The following COL27A1 variants were observed in gnomAD, a reference collection of about 807,000 sequenced individuals.
The protein encoded by COL27A1 is collagen type XXVII alpha 1 chain, also known as collagen alpha-1(XXVII) chain.
In COL27A1, 106 loss-of-function variants were observed where a neutral mutation model predicts 251.3. The ratio of observed to expected loss-of-function variants is 0.42; its 90% CI spans 0.36 to 0.50. The LOEUF (loss-of-function observed/expected upper bound fraction) is 0.50. COL27A1 is among the 20% of genes least tolerant of loss of function. COL27A1 has a pLI of 0.00. For synonymous variants in COL27A1, 1,000 were observed against 986.3 expected, an observed-to-expected ratio of 1.01 and a Z score of -0.26; for missense variants, 2,325 against 2,522.8, an observed-to-expected ratio of 0.92 and a Z score of 1.68.
chr9:114,198,174 C>T (rs1677075306), intron 7 of COL27A1, among the ~76,000 whole-genome samples: 1 of 152,226 alleles, frequency 6.6e-6, no homozygotes, highest in South Asian at 2.1e-4. Context: ...TGAGGCAACA[C>T]AGATAATCCT....
At chr9:114,214,881 G>C (rs1489405683) in intron 12 of COL27A1, among the ~76,000 whole-genome samples, 1 of 152,238 alleles carries the variant, frequency 6.6e-6, no homozygotes, top group East Asian at 1.9e-4. Context: ...TGGCTTGTTG[G>C]GCATGGCTCA....
At chr9:114,299,985 A>G in intron 49 of COL27A1, 85 bp from the exon 50 acceptor site, 1 of 1,315,836 alleles carries the variant, frequency 7.6e-7, no homozygotes, top group Non-Finnish European at 1.1e-6. Flanking sequence ...TGGGAGGGAA[A>G]AGGCAGGCCC....
intron 3 of COL27A1, among the ~76,000 whole-genome samples, chr9:114,177,575 C>T (rs758877997): frequency 1.3e-5 from 2 of 152,072 alleles, no homozygotes; most frequent in African/African-American, 2.4e-5. Flanking sequence ...TACCAGGCAC[C>T]GTGTTAACAT....
chr9:114,209,329 A>G (rs886383371), intron 10 of COL27A1: 4 of 531,124 alleles, frequency 7.5e-6, no homozygotes, highest in African/African-American at 7.5e-5. Context: ...GGGGGTGGGC[A>G]GGGCTTGGTG....
chr9:114,194,169 T>C (rs1032138803), intron 5 of COL27A1, among the ~76,000 whole-genome samples: 1 of 151,962 alleles, frequency 6.6e-6, no homozygotes, highest in Non-Finnish European at 1.5e-5. Flanking sequence ...TACAGAAGAC[T>C]TGGGATAGCA....
chr9:114,295,254 A>C (rs1365548955), intron 49 of COL27A1, among the ~76,000 whole-genome samples: 1 of 152,268 alleles, frequency 6.6e-6, no homozygotes, highest in East Asian at 1.9e-4. Context: ...ACATATGTAC[A>C]CTGAGAACTA....
chr9:114,302,729 A>C (rs753378257), intron 56 of COL27A1, among the ~76,000 whole-genome samples: 246 of 34,096 alleles, frequency 7.2e-3, no homozygotes, highest in African/African-American at 0.012. Flanking sequence ...AAAAAAACAA[A>C]AAAAAAAAAA....
chr9:114,309,952 A>G (rs1829331563), intron 60 of COL27A1, among the ~76,000 whole-genome samples: 1 of 152,226 alleles, frequency 6.6e-6, no homozygotes, highest in African/African-American at 2.4e-5. Flanking sequence ...ATGTGGGGAA[A>G]CCAACAATCT....
rs1831983310 is a variant in COL27A1, at chr9:114,231,873, T to C, written c.2565+7T>C. 1 of 1,613,928 alleles carries C rather than the reference T, an allele frequency of 6.2e-7. No homozygotes were observed. Among genetic ancestry groups the C allele is most frequent in the Middle Eastern group, 1.6e-4 (1 of 6,062 alleles). On this transcript the variant is annotated splice_region_variant and intron_variant, in intron 16 of 60. Coordinates refer to ENST00000356083, the MANE Select transcript of COL27A1 (RefSeq NM_032888.4). ...CGGACTGAAAGGTGATAAGGTGATC[T>C]GAATACTCCCTTATTGCACTGTGGT...
chr9:114,302,726 C>CAAAAAAAAAAA, intron 56 of COL27A1, among the ~76,000 whole-genome samples: 1 of 139,200 alleles, frequency 7.2e-6, no homozygotes, highest in Non-Finnish European at 1.6e-5. Context: ...ACAAAAAAAA[C>CAAAAAAAAAAA]AAAAAAAAAA....
intron 10 of COL27A1, among the ~76,000 whole-genome samples, chr9:114,208,636 T>C (rs968707691): frequency 6.6e-6 from 1 of 151,876 alleles, no homozygotes; most frequent in Non-Finnish European, 1.5e-5. Flanking sequence ...ACGCAGATAG[T>C]GGTAGAAGCC....
intron 27 of COL27A1, among the ~76,000 whole-genome samples, chr9:114,253,464 GAAAGAAAGGAAAAGA>G (rs1434810699): frequency 1.3e-5 from 2 of 151,198 alleles, no homozygotes; most frequent in Admixed American, 1.3e-4. Context: ...AGGAAGAAAG[GAAAGAAAGGAAAAGA>G]AAAGAAAGGA....
intron 19 of COL27A1, 41 bp downstream of exon 19, chr9:114,237,756 G>T (rs368564518): frequency 1.2e-4 from 186 of 1,569,800 alleles, no homozygotes; most frequent in Non-Finnish European, 1.5e-4. Flanking sequence ...CTGCTGCTGG[G>T]ACTCGGTCTT....
chr9:114,201,538 C>T (rs911245645), intron 7 of COL27A1, among the ~76,000 whole-genome samples: 1 of 152,220 alleles, frequency 6.6e-6, no homozygotes, highest in African/African-American at 2.4e-5. Context: ...CAAGGCCCTT[C>T]AGGGTCCCTT....
Position 114,302,105 on chromosome 9 carries a change from A to T in COL27A1, c.4869A>T (p.Gln1623His). 2 of 1,612,542 alleles carry T rather than the reference A, an allele frequency of 1.2e-6. No individual in the cohort carries two copies. The highest frequency in any genetic ancestry group is 8.5e-7 in the Non-Finnish European group (1 of 1,178,670). ...AGGGTCCTCCAGGGGGTCCTATCCAATTGGTAAGTTGGAAACCTTCTCTTT... is the reference window on the plus strand; with the variant it reads ...AGGGTCCTCCAGGGGGTCCTATCCATTTGGTAAGTTGGAAACCTTCTCTTT... ...GPPGPPGGPI[Q>H]LQQDDLGAAF... The change falls in exon 56 of 61, where the codon CAA becomes CAT. Residue 1623 changes from glutamine to histidine, a missense_variant. Physicochemically the swap from Gln to His is conservative, Grantham distance 24 (BLOSUM62 0). This residue lies in a region of COL27A1 where 327 missense variants were observed against 442.8 expected (regional missense o/e 0.74). Transcript: ENST00000356083.
chr9:114,168,886 C>T lies in COL27A1; in HGVS notation c.1331C>T (p.Pro444Leu). The T allele has an allele frequency of 1.2e-6, 2 of 1,614,068 alleles. No homozygotes were observed. The highest frequency in any genetic ancestry group is 1.1e-5 in the South Asian group (1 of 91,074). Reference protein sequence around the residue: ...RPPPPSTRPLPPTTSSSKKPI... With the variant: ...RPPPPSTRPLLPTTSSSKKPI... ...CCACCGCCCAGCACCCGGCCCCTAC[C>T]TCCTACCACCAGCTCCTCTAAAAAA... Residue 444 changes from proline to leucine, a missense_variant, in exon 3 of 61, where the codon CCT (proline) becomes CTT (leucine). Transcript: ENST00000356083.
At chr9:114,302,195 T>C in intron 56 of COL27A1, 87 bp downstream of exon 56, 1 of 1,139,554 alleles carries the variant, frequency 8.8e-7, no homozygotes, top group Non-Finnish European at 1.3e-6. Flanking sequence ...CTGGCCCTGG[T>C]GGCTAGAGCC....
At position 114,264,976 on chromosome 9, in the gene COL27A1, A is replaced by T. The variant is rs1834633056; in HGVS notation, c.3294+8A>T. ...GGCCGGCCTGGACAGCAGGTATGTC[A>T]GGCCAAGGCCAAGCAGGCCAGCTGC... is the stretch of plus-strand genomic sequence containing the variant. On this transcript the variant is annotated splice_region_variant and intron_variant, in intron 30 of 60. Transcript: ENST00000356083. The T allele has an allele frequency of 6.2e-7, 1 of 1,612,804 alleles. No individual in the cohort carries two copies. The highest frequency in any genetic ancestry group is 1.3e-5 in the African/African-American group (1 of 75,012).
In COL27A1 at chr9:114,168,101, G is replaced by T; in HGVS notation, c.546G>T (p.Leu182=). The T allele has an allele frequency of 6.2e-7, 1 of 1,611,888 alleles. No individual in the cohort carries two copies. Residue 182 remains leucine (L), a synonymous_variant, in exon 3 of 61, where the codon CTG becomes CTT. Coordinates refer to ENST00000356083, the MANE Select transcript of COL27A1 (RefSeq NM_032888.4). ...TACGQRRVPV[L]LPFHRDPALD... ...GCGGGCAGCGCCGGGTGCCTGTCCT[G>T]CTGCCTTTCCACAGGGACCCTGCAC...
Sources: gnomAD v4.1 joint callset for allele counts (sites outside exome capture counted in the v4.1 genomes callset) on GRCh38, gnomAD v4.1.1 for gene constraint, gnomAD v4.1.1 regional missense constraint, MANE v1.5 for transcripts, NCBI Gene and HGNC (gene_info 2026-07-23, HGNC 2026-07-21) for gene names.